The following TPR variants were observed in gnomAD, a reference collection of about 807,000 sequenced individuals.
TPR encodes nucleoprotein TPR.
Under a neutral mutation model 316.1 loss-of-function variants are expected in TPR, and 51 were observed. That is an observed-to-expected ratio of 0.16 (90% CI 0.13 to 0.20). The LOEUF is 0.20. Ranked by LOEUF, TPR falls within the 10% of genes least tolerant of loss-of-function variation. The pLI is 1.00. For synonymous variants in TPR, 981 were observed against 914.7 expected (o/e 1.07, Z -1.31); for missense variants, 2,272 against 2,754.8 (o/e 0.82, Z 3.92).
chr1:186,322,341 A>G lies in TPR; in HGVS notation c.6438T>C (p.Thr2146=). ...STPTLVVPHR[T]DGFAEAIHSP... ...ACTGAATTGCTTCAGCAAATCCATCAGTACGATGTGGCACCACAAGAGTTG... is the reference window on the plus strand; with the variant it reads ...ACTGAATTGCTTCAGCAAATCCATCGGTACGATGTGGCACCACAAGAGTTG... The change falls in exon 45 of 51, where the codon ACT becomes ACC. Residue 2146 remains threonine, a synonymous_variant. Transcript: ENST00000367478. 6.2e-7 allele frequency: 1 copy of G among 1,611,720 alleles called. No homozygotes were observed. The highest frequency in any genetic ancestry group is 8.5e-7 in the Non-Finnish European group (1 of 1,179,450).
At chr1:186,347,227 T>C in intron 22 of TPR, 65 bp downstream of exon 22, 2 of 1,562,538 alleles carry the variant, frequency 1.3e-6, no homozygotes, top group African/African-American at 2.7e-5. Context: ...AGCAGTCCTC[T>C]AGTTACTAAA....
intron 18 of TPR, among the ~76,000 whole-genome samples, chr1:186,352,554 T>C (rs1488858148): frequency 6.6e-6 from 1 of 152,186 alleles, no homozygotes; most frequent in East Asian, 1.9e-4. Context: ...CCCAAGAGTC[T>C]GAGTCTCAAG....
At chr1:186,354,368 T>C (rs1658959929) in intron 17 of TPR, among the ~76,000 whole-genome samples, 1 of 152,236 alleles carries the variant, frequency 6.6e-6, no homozygotes, top group Admixed American at 6.5e-5. Context: ...TACAATGCAG[T>C]ATACAAATTA....
At chr1:186,353,567 G>T in intron 18 of TPR, 121 bp downstream of exon 18, 1 of 1,063,454 alleles carries the variant, frequency 9.4e-7, no homozygotes, top group Non-Finnish European at 1.4e-6. Flanking sequence ...TTAATTACTT[G>T]GTGTAACCTC....
In TPR at chr1:186,337,071, A is replaced by G; in HGVS notation, c.4448T>C (p.Leu1483Pro). The G allele has an allele frequency of 1.2e-6, 2 of 1,613,850 alleles. No individual in the cohort carries two copies. The highest frequency in any genetic ancestry group is 1.1e-5 in the South Asian group (1 of 91,064). ...TTTTGATTTTGTTTCAGCTTGGTTG[A>G]GCGTTTCTTTGAGTTCCTGCATTTC... ...VQEMQELKET[L>P]NQAETKSKSL... The change falls in exon 32 of 51, where the codon CTC (leucine) becomes CCC (proline). Residue 1483 changes from leucine to proline, a missense_variant. Physicochemically the swap from Leu to Pro is moderately conservative, Grantham distance 98 (BLOSUM62 -3). Transcript: ENST00000367478.
intron 19 of TPR, 38 bp downstream of exon 19, chr1:186,351,938 T>C: frequency 1.3e-6 from 2 of 1,556,826 alleles, no homozygotes; most frequent in Non-Finnish European, 1.7e-6. Flanking sequence ...AATTTAACTT[T>C]TATACATTTT....
intron 4 of TPR, 21 bp downstream of exon 4, chr1:186,367,865 G>C (rs1415719143): frequency 1.9e-6 from 3 of 1,544,224 alleles, no homozygotes; most frequent in Non-Finnish European, 2.7e-6. Flanking sequence ...GGAGCTAAAA[G>C]CTACAAGCAC....
In TPR at chr1:186,358,113, G is replaced by A. The variant is rs564132300; in HGVS notation, c.1497+430C>T. Among the ~76,000 whole-genome samples, 121 of 152,210 alleles carry A rather than the reference G, an allele frequency of 7.9e-4. 1 individual carries two copies. Among genetic ancestry groups the A allele is most frequent in the Non-Finnish European group, 1.3e-3 (87 of 68,000 alleles). Reference sequence around the variant, plus strand: ...TAATTTATTGATTTGCTTGTTAAGTGTCAGAGTAATGCATACAGTCCAGTC... The same window carrying A: ...TAATTTATTGATTTGCTTGTTAAGTATCAGAGTAATGCATACAGTCCAGTC... On this transcript the variant is annotated intron_variant, in intron 13 of 50. Transcript: ENST00000367478.
At chr1:186,324,608 G>A (rs911763083) in intron 42 of TPR, among the ~76,000 whole-genome samples, 14 of 152,062 alleles carry the variant, frequency 9.2e-5, no homozygotes, top group African/African-American at 2.7e-4. Flanking sequence ...TAAGCTATGC[G>A]ACACCTCAAG....
At position 186,333,387 on chromosome 1, in the gene TPR, C is replaced by T. The variant is rs747410676; in HGVS notation, c.5190G>A (p.Gln1730=). The T allele has an allele frequency of 5.6e-6, 9 of 1,612,706 alleles. No individual in the cohort carries two copies. The highest frequency in any genetic ancestry group is 7.6e-6 in the Non-Finnish European group (9 of 1,179,256). ...TTQVESQEAM[Q]SEGPVEHVPV... Reference sequence around the variant, plus strand: ...GAACATGTTCCACAGGCCCTTCTGACTGCATAGCTGAAAAATAATTATAAT... The same window carrying T: ...GAACATGTTCCACAGGCCCTTCTGATTGCATAGCTGAAAAATAATTATAAT... Residue 1730 remains glutamine (Q), a synonymous_variant, in exon 37 of 51, where the codon CAG becomes CAA. Transcript: ENST00000367478.
chr1:186,326,527 T>A (rs1657937096), intron 40 of TPR, among the ~76,000 whole-genome samples: 1 of 152,102 alleles, frequency 6.6e-6, no homozygotes. Flanking sequence ...TAATTCTAAA[T>A]TTAAACAGGT....
rs775285820 is a variant in TPR, at chr1:186,343,465, C to T, written c.3611G>A (p.Arg1204Gln). Residue 1204 changes from arginine to glutamine, a missense_variant, in exon 27 of 51, where the codon CGA (arginine) becomes CAA (glutamine). Arg to Gln is a conservative substitution (Grantham distance 43). This residue lies in a region of TPR where 757 missense variants were observed against 859.8 expected (regional missense o/e 0.88). Coordinates refer to ENST00000367478, the MANE Select transcript of TPR (RefSeq NM_003292.3). ...EQILEILRFIRREKEIAETRF... is the reference protein window; with the variant it reads ...EQILEILRFIQREKEIAETRF... Reference sequence around the variant, plus strand: ...AGTTTCAGCAATTTCTTTTTCTCGTCGTATAAATCTACAAAAATACAGATA... The same window carrying T: ...AGTTTCAGCAATTTCTTTTTCTCGTTGTATAAATCTACAAAAATACAGATA... 9 of 1,610,494 alleles carry T rather than the reference C, an allele frequency of 5.6e-6. No homozygotes were observed. Among genetic ancestry groups the T allele is most frequent in the African/African-American group, 4.0e-5 (3 of 74,612 alleles).
intron 24 of TPR, 126 bp downstream of exon 24, chr1:186,345,454 A>AG: frequency 1.4e-6 from 1 of 727,700 alleles, no homozygotes. Flanking sequence ...GTCTTGTCTA[A>AG]GTTCCACAAA....
At chr1:186,354,467 G>T (rs2178215) in intron 17 of TPR, among the ~76,000 whole-genome samples, 88,296 of 151,870 alleles carry the variant, frequency 0.58, 25,762 homozygotes, top group East Asian at 0.64. Flanking sequence ...CTTGAAAGCT[G>T]ACATAATGGC....
intron 35 of TPR, 119 bp from the exon 36 acceptor site, chr1:186,334,652 A>C: frequency 2.8e-6 from 3 of 1,076,070 alleles, no homozygotes; most frequent in Non-Finnish European, 4.0e-6. Context: ...AGCCTTATTA[A>C]AGCTGTTTTG....
At chr1:186,364,914 G>A (rs1659294361) in intron 4 of TPR, among the ~76,000 whole-genome samples, 1 of 152,048 alleles carries the variant, frequency 6.6e-6, no homozygotes, top group Non-Finnish European at 1.5e-5. Flanking sequence ...TCAGGTTTAT[G>A]ATAAGGACTG....
chr1:186,368,534 C>T (rs561282387), intron 3 of TPR, among the ~76,000 whole-genome samples: 3 of 152,238 alleles, frequency 2.0e-5, no homozygotes, highest in South Asian at 2.1e-4. Flanking sequence ...CATTTGAGCC[C>T]GGGAGGCAGA....
intron 32 of TPR, 136 bp downstream of exon 32, chr1:186,336,877 T>A: frequency 7.1e-7 from 1 of 1,403,024 alleles, no homozygotes; most frequent in Non-Finnish European, 9.7e-7. Flanking sequence ...ACTACTTACA[T>A]ACATGAGCCA....
chr1:186,344,659 G>A (rs1658623155), intron 24 of TPR, 81 bp from the exon 25 acceptor site: 4 of 1,074,640 alleles, frequency 3.7e-6, no homozygotes, highest in African/African-American at 3.2e-5. Context: ...GATACACATT[G>A]GACTTTTTAA....
Sources: gnomAD v4.1 joint callset for allele counts (sites outside exome capture counted in the v4.1 genomes callset) on GRCh38, gnomAD v4.1.1 for gene constraint, gnomAD v4.1.1 regional missense constraint, MANE v1.5 for transcripts, NCBI Gene and HGNC (gene_info 2026-07-23, HGNC 2026-07-21) for gene names.